The following CNTNAP2 variants were observed in gnomAD, a reference collection of about 807,000 sequenced individuals.
The protein encoded by CNTNAP2 is contactin-associated protein-like 2.
In CNTNAP2, 98 loss-of-function variants were observed where a neutral mutation model predicts 155.2. The ratio of observed to expected loss-of-function variants is 0.63; its 90% CI spans 0.54 to 0.75. The LOEUF (loss-of-function observed/expected upper bound fraction) is 0.75, where lower values mean the gene tolerates loss of function less well. CNTNAP2 is among the 30% of genes least tolerant of loss of function. The pLI is 0.00. For synonymous variants in CNTNAP2, 651 were observed against 631.2 expected (o/e 1.03, Z -0.47); for missense variants, 1,727 against 1,688.1 (o/e 1.02, Z -0.40).
intron 8 of CNTNAP2, among the ~76,000 whole-genome samples, chr7:147,185,359 A>T (rs1802543737): frequency 6.6e-6 from 1 of 152,292 alleles, no homozygotes; most frequent in East Asian, 1.9e-4. Context: ...ACAAATCAGC[A>T]ACTCTACTTC....
intron 20 of CNTNAP2, among the ~76,000 whole-genome samples, chr7:148,231,095 C>A (rs780538407): frequency 3.9e-5 from 6 of 152,176 alleles, no homozygotes; most frequent in African/African-American, 7.2e-5. Flanking sequence ...AATACTAAAA[C>A]TTAAAAAGAC....
chr7:148,015,038 T>G (rs1377810695), intron 15 of CNTNAP2, among the ~76,000 whole-genome samples: 2 of 150,976 alleles, frequency 1.3e-5, no homozygotes, highest in African/African-American at 4.9e-5. Context: ...GCCTTTGAGT[T>G]TTTATAAGCC....
At chr7:146,778,440 A>G (rs148904680) in intron 2 of CNTNAP2, among the ~76,000 whole-genome samples, 252 of 152,290 alleles carry the variant, frequency 1.7e-3, no homozygotes, top group Non-Finnish European at 2.7e-3. Flanking sequence ...TAATTCTGAC[A>G]TGTCTTTTGG....
At chr7:146,617,762 T>C (rs1447634572) in intron 1 of CNTNAP2, among the ~76,000 whole-genome samples, 1 of 152,144 alleles carries the variant, frequency 6.6e-6, no homozygotes, top group Non-Finnish European at 1.5e-5. Context: ...TGAAACAAAA[T>C]ATTTTTTTAA....
intron 3 of CNTNAP2, among the ~76,000 whole-genome samples, chr7:146,905,160 C>A (rs1796092508): frequency 6.6e-6 from 1 of 151,982 alleles, no homozygotes; most frequent in Non-Finnish European, 1.5e-5. Context: ...TTGTGACAAT[C>A]AAAAATGTCT....
intron 10 of CNTNAP2, among the ~76,000 whole-genome samples, chr7:147,485,067 A>G (rs999799996): frequency 6.6e-6 from 1 of 152,150 alleles, no homozygotes; most frequent in African/African-American, 2.4e-5. Flanking sequence ...CCATTGAAAC[A>G]GGGGTGTTTC....
At chr7:147,296,185 C>A (rs73742524) in intron 8 of CNTNAP2, among the ~76,000 whole-genome samples, 1,792 of 152,216 alleles carry the variant, frequency 0.012, 32 homozygotes, top group African/African-American at 0.041. Context: ...ACGTTGATAT[C>A]TTTGAGATCC....
intron 1 of CNTNAP2, among the ~76,000 whole-genome samples, chr7:146,488,137 C>A (rs1006031499): frequency 2.6e-5 from 4 of 152,048 alleles, no homozygotes; most frequent in Admixed American, 6.5e-5. Flanking sequence ...CAAATTGTAT[C>A]ACCACATCTA....
intron 13 of CNTNAP2, among the ~76,000 whole-genome samples, chr7:147,864,203 G>C (rs1262553721): frequency 6.6e-6 from 1 of 152,074 alleles, no homozygotes; most frequent in African/African-American, 2.4e-5. Context: ...CCCATTTCTT[G>C]TTTTTGTCAG....
chr7:146,979,510 T>C (rs1025967261), intron 3 of CNTNAP2, among the ~76,000 whole-genome samples: 3 of 152,212 alleles, frequency 2.0e-5, no homozygotes, highest in Non-Finnish European at 4.4e-5. Flanking sequence ...TTTTCCATTA[T>C]TACAATTTAA....
intron 14 of CNTNAP2, among the ~76,000 whole-genome samples, chr7:147,922,136 C>T (rs17170747): frequency 0.031 from 4,729 of 152,150 alleles, 255 homozygotes; most frequent in African/African-American, 0.11. Flanking sequence ...ATTTTAAATA[C>T]GCATGTCGAT....
At chr7:146,210,946 C>T (rs1328801181) in intron 1 of CNTNAP2, among the ~76,000 whole-genome samples, 1 of 151,758 alleles carries the variant, frequency 6.6e-6, no homozygotes, top group Admixed American at 6.6e-5. Flanking sequence ...CAATCAACTA[C>T]CCTGAGATAA....
intron 1 of CNTNAP2, among the ~76,000 whole-genome samples, chr7:146,199,423 A>G (rs1798824690): frequency 6.6e-6 from 1 of 152,184 alleles, no homozygotes; most frequent in Non-Finnish European, 1.5e-5. Flanking sequence ...AGGGCAGGAC[A>G]GAGGAACAAA....
chr7:146,639,880 A>T (rs1407550629), intron 1 of CNTNAP2, among the ~76,000 whole-genome samples: 2 of 152,242 alleles, frequency 1.3e-5, no homozygotes, highest in Non-Finnish European at 2.9e-5. Context: ...TCCGAAGAAG[A>T]GGGAAGGCAG....
At chr7:148,058,835 A>G (rs1188663562) in intron 15 of CNTNAP2, among the ~76,000 whole-genome samples, 1 of 152,218 alleles carries the variant, frequency 6.6e-6, no homozygotes, top group Non-Finnish European at 1.5e-5. Context: ...TTATTCAAAA[A>G]ATAGCCCAGG....
intron 2 of CNTNAP2, among the ~76,000 whole-genome samples, chr7:146,812,584 C>G (rs184123886): frequency 3.3e-5 from 5 of 151,938 alleles, no homozygotes; most frequent in Admixed American, 2.6e-4. Context: ...TGGCAAAGCT[C>G]TCAAGGAAGC....
At chr7:147,758,088 G>A (rs751375072) in intron 13 of CNTNAP2, among the ~76,000 whole-genome samples, 1 of 152,058 alleles carries the variant, frequency 6.6e-6, no homozygotes. Context: ...AATTGAAAAC[G>A]AATCAAACAC....
intron 23 of CNTNAP2, among the ~76,000 whole-genome samples, chr7:148,414,522 TTC>T (rs1243060493): frequency 3.2e-5 from 1 of 31,536 alleles, no homozygotes; most frequent in Non-Finnish European, 7.2e-5. Context: ...GCTCTGTCCT[TTC>T]TGTTTCTAAT....
chr7:147,900,997 A>G (rs1264922461), intron 13 of CNTNAP2, among the ~76,000 whole-genome samples: 2 of 151,782 alleles, frequency 1.3e-5, no homozygotes, highest in Non-Finnish European at 2.9e-5. Flanking sequence ...TTTGATGATG[A>G]TCTTCCTTCC....
Sources: allele counts gnomAD v4.1 joint callset (sites outside exome capture counted in the v4.1 genomes callset), GRCh38; gene constraint gnomAD v4.1.1; transcripts MANE v1.5; gene names NCBI Gene and HGNC (gene_info 2026-07-23, HGNC 2026-07-21).